Variants in NAV3 observed in about 807,000 individuals in gnomAD.
The protein encoded by NAV3 is pore membrane and/or filament interacting like protein 1.
Under a neutral mutation model 244.7 loss-of-function variants are expected in NAV3, and 87 were observed. That is an observed-to-expected ratio of 0.36 (90% confidence interval 0.30 to 0.42). The LOEUF (loss-of-function observed/expected upper bound fraction) is 0.42. NAV3 is among the 20% of genes least tolerant of loss of function. The pLI is 1.00. For synonymous variants in NAV3, 1,126 were observed against 1,042.2 expected, an observed-to-expected ratio of 1.08 and a Z score of -1.55; for missense variants, 2,663 against 2,893.3, an observed-to-expected ratio of 0.92 and a Z score of 1.83.
Position 78,007,359 on chromosome 12 carries a change from G to A in NAV3, c.1821G>A (p.Gln607=), listed in dbSNP as rs1280272614. 6.2e-7 allele frequency: 1 copy of A among 1,614,178 alleles called. No homozygotes were observed. Among genetic ancestry groups the A allele is most frequent in the Non-Finnish European group, 8.5e-7 (1 of 1,180,026 alleles). Residue 607 remains glutamine, a synonymous_variant, in exon 8 of 40, where the codon CAG becomes CAA. Coordinates refer to ENST00000397909, the MANE Select transcript of NAV3 (RefSeq NM_001024383.2). The stretch of plus-strand genomic sequence containing the variant: ...TGACAGTGGCACAAAGCAGTGGGCA[G>A]AGCACAGGAAATGGTGCTGTCCAAC... ...CTMTVAQSSG[Q]STGNGAVQLP...
At chr12:78,160,894 T>C (rs1242456097) in intron 23 of NAV3, among the ~76,000 whole-genome samples, 1 of 151,706 alleles carries the variant, frequency 6.6e-6, no homozygotes, top group Non-Finnish European at 1.5e-5. Context: ...TCCTTTTCTT[T>C]CCTTCCTTCC....
intron 2 of NAV3, among the ~76,000 whole-genome samples, chr12:77,772,374 A>G (rs1194063530): frequency 6.6e-6 from 1 of 152,192 alleles, no homozygotes; most frequent in East Asian, 1.9e-4. Flanking sequence ...GGAAAAAGCA[A>G]TGACTTGCCA....
In NAV3 at chr12:77,691,360, T is replaced by TATATATATATAC. The variant is rs60932712; in HGVS notation, c.72+119094_72+119095insATATATATATAC. ...GTGTATATATATATATATATACATA[T>TATATATATATAC]CCATTCTTGTACTTTTTCTGCTCAA... On this transcript the variant is annotated intron_variant, in intron 2 of 8. Transcript: ENST00000550042. Among the ~76,000 whole-genome samples, 535 of 134,786 alleles carry TATATATATATAC rather than the reference T, an allele frequency of 4.0e-3. 12 individuals are homozygous for TATATATATATAC. The highest frequency in any genetic ancestry group is 0.014 in the African/African-American group (516 of 36,696). 88.4% of individuals were successfully genotyped at this position (134,786 alleles called of 152,430 possible).
chr12:77,626,639 A>G (rs950851130), intron 2 of NAV3, among the ~76,000 whole-genome samples: 2 of 152,122 alleles, frequency 1.3e-5, no homozygotes, highest in Non-Finnish European at 2.9e-5. Flanking sequence ...GAATAGTATG[A>G]TATATTCAAA....
Position 78,122,192 on chromosome 12 carries a change from A to G in NAV3, c.4002A>G (p.Ala1334=). The part of the protein sequence containing the change: ...SLSHSLASSP[A]SVHSFTSGGL... ...GTCACTCGTTGGCCTCCAGCCCAGC[A>G]TCGGTTCACTCTTTCACATCAGGTG... is the stretch of plus-strand genomic sequence containing the variant. The change falls in exon 16 of 40, where the codon GCA becomes GCG. Residue 1334 remains alanine (A), a synonymous_variant. Coordinates refer to ENST00000397909, the MANE Select transcript of NAV3 (RefSeq NM_001024383.2). The G allele has an allele frequency of 5.0e-6, 8 of 1,614,106 alleles. No individual in the cohort carries two copies. Among genetic ancestry groups the G allele is most frequent in the Non-Finnish European group, 6.8e-6 (8 of 1,180,008 alleles).
At chr12:78,130,788 C>A in intron 18 of NAV3, 1 of 157,184 alleles carries the variant, frequency 6.4e-6, no homozygotes, top group African/African-American at 2.4e-5. Context: ...AATCACAACT[C>A]CATTCTTCTC....
At chr12:78,158,832 G>A (rs1957410548) in intron 22 of NAV3, among the ~76,000 whole-genome samples, 1 of 152,138 alleles carries the variant, frequency 6.6e-6, no homozygotes, top group African/African-American at 2.4e-5. Context: ...CCATTTCAGT[G>A]ACCTCTTTTT....
intron 2 of NAV3, among the ~76,000 whole-genome samples, chr12:77,652,342 A>T (rs1319695547): frequency 6.6e-6 from 1 of 152,214 alleles, no homozygotes; most frequent in Non-Finnish European, 1.5e-5. Context: ...GTGTTGCTTC[A>T]AAGTCCATAG....
At chr12:78,113,268 T>C (rs1434876675) in intron 12 of NAV3, among the ~76,000 whole-genome samples, 1 of 152,196 alleles carries the variant, frequency 6.6e-6, no homozygotes, top group Non-Finnish European at 1.5e-5. Context: ...TGGAGGATGG[T>C]GGCCTTCATC....
intron 2 of NAV3, among the ~76,000 whole-genome samples, chr12:77,708,450 G>A (rs1396943549): frequency 1.3e-5 from 2 of 152,102 alleles, no homozygotes. Context: ...ATGCTGTTTT[G>A]GTTACTGTAG....
intron 12 of NAV3, among the ~76,000 whole-genome samples, chr12:78,113,999 C>T (rs1955239554): frequency 6.6e-6 from 1 of 152,110 alleles, no homozygotes. Flanking sequence ...CTACCAGATA[C>T]CCTAAATTAT....
intron 2 of NAV3, among the ~76,000 whole-genome samples, chr12:77,757,451 C>T (rs1380544387): frequency 2.0e-5 from 3 of 152,188 alleles, no homozygotes; most frequent in Non-Finnish European, 2.9e-5. Flanking sequence ...TACAATATCA[C>T]CTGTTCATTC....
chr12:77,862,646 A>G (rs957449900), intron 1 of NAV3, among the ~76,000 whole-genome samples: 9 of 151,876 alleles, frequency 5.9e-5, no homozygotes, highest in Non-Finnish European at 8.8e-5. Context: ...ATAACAAAAA[A>G]TTATAAAAAA....
chr12:77,722,306 A>G (rs1876674448), intron 2 of NAV3, among the ~76,000 whole-genome samples: 1 of 152,032 alleles, frequency 6.6e-6, no homozygotes, highest in Admixed American at 6.6e-5. Context: ...TTTTCAGGAA[A>G]AGATGAATTC....
intron 2 of NAV3, among the ~76,000 whole-genome samples, chr12:77,664,610 T>C (rs1317598049): frequency 3.3e-5 from 5 of 152,224 alleles, no homozygotes; most frequent in South Asian, 2.1e-4. Context: ...AGTTCTATTA[T>C]AACTCCTAAG....
intron 2 of NAV3, among the ~76,000 whole-genome samples, chr12:77,687,577 C>T (rs1874813624): frequency 6.6e-6 from 1 of 151,992 alleles, no homozygotes; most frequent in Non-Finnish European, 1.5e-5. Context: ...CTTATATCTG[C>T]CAGAGTTTTA....
chr12:77,790,663 C>A (rs959869239), intron 2 of NAV3, among the ~76,000 whole-genome samples: 3 of 152,178 alleles, frequency 2.0e-5, no homozygotes, highest in Admixed American at 1.3e-4. Flanking sequence ...TGGAGGCTTG[C>A]TAGACTTTCA....
At chr12:77,960,899 T>C (rs1891855242) in intron 3 of NAV3, among the ~76,000 whole-genome samples, 1 of 146,542 alleles carries the variant, frequency 6.8e-6, no homozygotes, top group African/African-American at 2.5e-5. Flanking sequence ...TATGAACATA[T>C]CATATATTCA....
intron 1 of NAV3, among the ~76,000 whole-genome samples, chr12:77,874,142 C>G (rs897060312): frequency 2.8e-4 from 43 of 152,176 alleles, no homozygotes; most frequent in African/African-American, 1.0e-3. Context: ...TTCAGTGAAA[C>G]TGGTCCCTGG....
Sources: allele counts gnomAD v4.1 joint callset (sites outside exome capture counted in the v4.1 genomes callset), GRCh38; gene constraint gnomAD v4.1.1; transcripts MANE v1.5; gene names NCBI Gene and HGNC (gene_info 2026-07-23, HGNC 2026-07-21).